The following TMEM117 variants were observed in gnomAD, a reference collection of about 807,000 sequenced individuals.
TMEM117 encodes the protein transmembrane protein 117.
In TMEM117, 27 loss-of-function variants were observed where a neutral mutation model predicts 52.4. That is an observed-to-expected ratio of 0.51 (90% CI 0.38 to 0.71). The LOEUF is 0.71. Among genes scored for constraint, TMEM117 ranks in the 30% least tolerant of loss-of-function variants. The pLI, the probability that TMEM117 is intolerant of heterozygous loss-of-function variation, is 0.00. For missense variants in TMEM117, 556 were observed against 630.5 expected, an observed-to-expected ratio of 0.88 and a Z score of 1.26; for synonymous variants, 215 against 206.3, an observed-to-expected ratio of 1.04 and a Z score of -0.36.
At chr12:44,132,031 C>T (rs1370888680) in intron 3 of TMEM117, among the ~76,000 whole-genome samples, 2 of 151,984 alleles carry the variant, frequency 1.3e-5, no homozygotes, top group East Asian at 1.9e-4. Flanking sequence ...TCCATACAGG[C>T]TGAGCGATAA....
At chr12:44,275,179 A>G (rs971595034) in intron 5 of TMEM117, among the ~76,000 whole-genome samples, 3 of 152,206 alleles carry the variant, frequency 2.0e-5, no homozygotes, top group Non-Finnish European at 4.4e-5. Context: ...TGCAAATGGC[A>G]AACAGGCAGA....
At chr12:43,809,409 T>C in the TMEM117 span, among the ~76,000 whole-genome samples, 1 of 152,232 alleles carries the variant, frequency 6.6e-6, no homozygotes, top group Non-Finnish European at 1.5e-5. Context: ...CCATTTTCTC[T>C]CTTGTTATAT....
the TMEM117 span, chr12:43,806,380 A>C: frequency 8.3e-7 from 1 of 1,206,264 alleles, no homozygotes; most frequent in Non-Finnish European, 1.0e-6. Context: ...CCGCCCCGTG[A>C]GGTTGACTGA....
chr12:44,377,294 T>A (rs140948557), intron 7 of TMEM117, among the ~76,000 whole-genome samples: 5 of 152,330 alleles, frequency 3.3e-5, no homozygotes, highest in Admixed American at 6.5e-5. Flanking sequence ...TTCAATGTTA[T>A]ATTCTTTATG....
chr12:44,181,350 T>G (rs955089732), intron 4 of TMEM117, among the ~76,000 whole-genome samples: 184 of 152,288 alleles, frequency 1.2e-3, no homozygotes, highest in African/African-American at 4.0e-3. Context: ...AGAAGCTCTT[T>G]AGTTTAATTA....
intron 2 of TMEM117, among the ~76,000 whole-genome samples, chr12:43,938,628 G>A (rs899843035): frequency 6.6e-6 from 1 of 152,172 alleles, no homozygotes; most frequent in African/African-American, 2.4e-5. Context: ...GGCTTTGCTT[G>A]AAGTCATTCT....
At chr12:44,090,398 TTTTATTTATTTATTTATTTATTTA>T (rs199595783) in intron 3 of TMEM117, among the ~76,000 whole-genome samples, 11 of 123,206 alleles carry the variant, frequency 8.9e-5, no homozygotes, top group Admixed American at 7.4e-4. Context: ...TTATCTTACT[TTTTATTTATTTATTTATTTATTTA>T]TTTATTTATT....
the TMEM117 span, among the ~76,000 whole-genome samples, chr12:43,814,501 T>A: frequency 3.2e-4 from 49 of 152,242 alleles, 1 homozygote; most frequent in East Asian, 9.1e-3. Context: ...CTTTCCTTTC[T>A]CCTAGCACAG....
rs1238070672 is a variant in TMEM117, at chr12:43,846,091, ACT to A, written c.277+1174_277+1175del. ...CAGGGAGTTGGAACTATAAACTTTT[ACT>A]CTCTCTCTCTTTTTTTTTTGAACAT... On this transcript the variant is annotated intron_variant, in intron 2 of 7. Transcript: ENST00000266534. Among the ~76,000 whole-genome samples, 9 of 150,580 alleles carry A rather than the reference ACT, an allele frequency of 6.0e-5. No individual in the cohort carries two copies. In the South Asian group the frequency reaches 1.9e-3, roughly 32 times the overall value.
At chr12:43,825,765 T>C in the TMEM117 span, among the ~76,000 whole-genome samples, 143 of 152,316 alleles carry the variant, frequency 9.4e-4, no homozygotes, top group South Asian at 6.0e-3. Flanking sequence ...AAACTCCACC[T>C]CAAGAGATTC....
intron 3 of TMEM117, among the ~76,000 whole-genome samples, chr12:44,058,989 G>T (rs907945737): frequency 2.4e-4 from 36 of 152,298 alleles, no homozygotes; most frequent in African/African-American, 7.9e-4. Context: ...ATGGTTTAGG[G>T]AAGAAATTTT....
intron 3 of TMEM117, among the ~76,000 whole-genome samples, chr12:44,066,538 C>T (rs1474701838): frequency 6.6e-6 from 1 of 152,132 alleles, no homozygotes; most frequent in Non-Finnish European, 1.5e-5. Context: ...TAAAGCGAGT[C>T]ACATGAATTT....
intron 4 of TMEM117, among the ~76,000 whole-genome samples, chr12:44,181,253 GC>G (rs1446208400): frequency 2.7e-5 from 4 of 150,244 alleles, no homozygotes; most frequent in Non-Finnish European, 6.0e-5. Context: ...CTGGATATTA[GC>G]CCTTTGTCAG....
At chr12:43,821,549 G>A in the TMEM117 span, among the ~76,000 whole-genome samples, 4 of 152,190 alleles carry the variant, frequency 2.6e-5, no homozygotes, top group Admixed American at 2.6e-4. Context: ...CCAAAGTGCT[G>A]GGATTACAAT....
intron 6 of TMEM117, among the ~76,000 whole-genome samples, chr12:44,328,678 A>G (rs1317137453): frequency 1.3e-5 from 2 of 152,064 alleles, no homozygotes; most frequent in African/African-American, 2.4e-5. Context: ...ATCTTTTTCT[A>G]CCATTTCAAT....
At chr12:44,098,419 C>CT (rs59540545) in intron 3 of TMEM117, among the ~76,000 whole-genome samples, 5 of 151,874 alleles carry the variant, frequency 3.3e-5, no homozygotes, top group East Asian at 1.9e-4. Flanking sequence ...CACAAATGCC[C>CT]TTTTTTTTCT....
At chr12:44,195,516 C>T (rs541756173) in intron 4 of TMEM117, among the ~76,000 whole-genome samples, 555 of 152,112 alleles carry the variant, frequency 3.6e-3, no homozygotes, top group Middle Eastern at 6.8e-3. Context: ...AGGTCATTCT[C>T]GGAATTCCAT....
At chr12:44,030,470 C>G (rs113158919) in intron 3 of TMEM117, among the ~76,000 whole-genome samples, 5 of 152,210 alleles carry the variant, frequency 3.3e-5, no homozygotes, top group African/African-American at 9.6e-5. Context: ...AGGATTTTCA[C>G]CAAAAGTAAA....
At chr12:44,382,921 A>C (rs1157900301) in intron 7 of TMEM117, among the ~76,000 whole-genome samples, 2 of 152,212 alleles carry the variant, frequency 1.3e-5, no homozygotes, top group Non-Finnish European at 2.9e-5. Flanking sequence ...AAGAGATGCT[A>C]ACTCGTGAGC....
Sources: allele counts gnomAD v4.1 joint callset (sites outside exome capture counted in the v4.1 genomes callset), GRCh38; gene constraint gnomAD v4.1.1; transcripts MANE v1.5; gene names NCBI Gene and HGNC (gene_info 2026-07-23, HGNC 2026-07-21).